CPT2: variants seen among roughly 807,000 people sequenced by gnomAD.
CPT2 encodes the protein carnitine palmitoyltransferase 2, also known as carnitine O-palmitoyltransferase 2, mitochondrial.
In CPT2, 37 loss-of-function variants were observed where a neutral mutation model predicts 48.6. The observed-to-expected ratio is 0.76, with a 90% CI of 0.59 to 1.00. The LOEUF is 1.00. CPT2 is among the 50% of genes least tolerant of loss of function. The probability of loss-of-function intolerance (pLI) is 0.00; values close to 1 mark genes in which losing one functional copy is unlikely to be tolerated. For synonymous variants in CPT2, 319 were observed against 326.9 expected (o/e 0.98, Z 0.26); for missense variants, 772 against 825.6 (o/e 0.94, Z 0.80).
At chr1:53,211,545 CTT>C (rs1645428335) in intron 4 of CPT2, 1 of 564,596 alleles carries the variant, frequency 1.8e-6, no homozygotes, top group East Asian at 2.8e-5. Context: ...ATGCATGTGT[CTT>C]TGTCCTCATT....
chr1:53,199,592 C>G (rs1645343299), intron 1 of CPT2, among the ~76,000 whole-genome samples: 2 of 152,106 alleles, frequency 1.3e-5, no homozygotes, highest in African/African-American at 4.8e-5. Flanking sequence ...CATGAATATT[C>G]CTACTGTAAT....
At chr1:53,202,894 C>G (rs968902655) in intron 3 of CPT2, 7 of 172,926 alleles carry the variant, frequency 4.0e-5, no homozygotes, top group Non-Finnish European at 7.6e-5. Flanking sequence ...TTTTGCCTGG[C>G]AAATTCTTCT....
At chr1:53,211,831 T>C (rs2100275762) in intron 4 of CPT2, among the ~76,000 whole-genome samples, 1 of 152,124 alleles carries the variant, frequency 6.6e-6, no homozygotes, top group South Asian at 2.1e-4. Flanking sequence ...ACTCCTGACC[T>C]CAGGTGATCC....
chr1:53,211,586 ATTC>A (rs1645428574), intron 4 of CPT2: 2 of 481,888 alleles, frequency 4.2e-6, no homozygotes, highest in Non-Finnish European at 3.6e-6. Flanking sequence ...TGACGCATTA[ATTC>A]TTTTTTCTTT....
chr1:53,211,868 G>A (rs1262306178), intron 4 of CPT2, among the ~76,000 whole-genome samples: 2 of 151,642 alleles, frequency 1.3e-5, no homozygotes, highest in Non-Finnish European at 2.9e-5. Flanking sequence ...CAAAGTTCTA[G>A]GAATACAGGC....
At chr1:53,202,744 C>G (rs1645362048) in intron 3 of CPT2, 1 of 382,842 alleles carries the variant, frequency 2.6e-6, no homozygotes, top group Admixed American at 3.7e-5. Flanking sequence ...GGGTCCTTCA[C>G]TGTCAGACAG....
At chr1:53,201,126 G>A (rs753905230) in intron 2 of CPT2, 1 of 396,002 alleles carries the variant, frequency 2.5e-6, no homozygotes, top group Non-Finnish European at 4.8e-6. Context: ...GAGGTCCATT[G>A]AGGAGACCAT....
At chr1:53,203,995 A>C (rs1645370663) in intron 3 of CPT2, 1 of 151,918 alleles carries the variant, frequency 6.6e-6, no homozygotes, top group Non-Finnish European at 1.5e-5. Flanking sequence ...CTGAGACTTA[A>C]TCTTTTGACT....
rs1432626641 is a variant in CPT2 at position 53,202,423 on chromosome 1, A to G, written c.334A>G (p.Ile112Val). The change falls in exon 3 of 5, where the codon ATT (isoleucine) becomes GTT (valine). Residue 112 changes from isoleucine (I) to valine (V), a missense_variant. Transcript: ENST00000371486. ...CAAACAGAATAAACATACAAGCTAC[A>G]TTTCGGGTAGGTAGGCTGGGCTGTG... ...LDKQNKHTSYISGPWFDMYLS... is the reference protein window; with the variant it reads ...LDKQNKHTSYVSGPWFDMYLS... The G allele has an allele frequency of 1.2e-6, 2 of 1,613,282 alleles. No individual in the cohort carries two copies. Among genetic ancestry groups the G allele is most frequent in the Admixed American group, 3.3e-5 (2 of 60,016 alleles).
intron 1 of CPT2, chr1:53,200,407 T>C (rs1645347056): frequency 3.0e-6 from 1 of 329,954 alleles, no homozygotes; most frequent in South Asian, 2.9e-5. Flanking sequence ...TTAGCACAGG[T>C]GTTATCATTG....
chr1:53,203,781 C>CT (rs1553169188), intron 3 of CPT2: 22,976 of 73,522 alleles, frequency 0.31, 2,133 homozygotes, highest in Middle Eastern at 0.36. Flanking sequence ...TTTTCTTTTT[C>CT]TTTTTTTTTT....
At position 53,197,046 on chromosome 1, in the gene CPT2, C is replaced by A; in HGVS notation, c.103C>A (p.Leu35Met). The A allele has an allele frequency of 1.3e-6, 2 of 1,539,040 alleles. No individual in the cohort carries two copies. The highest frequency in any genetic ancestry group is 1.7e-6 in the Non-Finnish European group (2 of 1,146,388). ...CGCCGGCTCCGGGCCCGGCCAGTACCTGCAGCGCAGCATCGTGCCCACCAT... is the reference window on the plus strand; with the variant it reads ...CGCCGGCTCCGGGCCCGGCCAGTACATGCAGCGCAGCATCGTGCCCACCAT... Reference protein sequence around the residue: ...LSAGSGPGQYLQRSIVPTMHY... With the variant: ...LSAGSGPGQYMQRSIVPTMHY... Residue 35 changes from leucine (L) to methionine (M), a missense_variant, in exon 1 of 5, where the codon CTG becomes ATG. By Grantham distance (15) the Leu-to-Met change is conservative (BLOSUM62 2). Coordinates refer to ENST00000371486, the MANE Select transcript of CPT2 (RefSeq NM_000098.3).
chr1:53,209,846 C>T (rs1270717409), intron 3 of CPT2, 169 bp from the exon 4 acceptor site: 5 of 638,286 alleles, frequency 7.8e-6, no homozygotes, highest in African/African-American at 5.5e-5. Flanking sequence ...ATTGTATGAC[C>T]CCATTTGTAT....
chr1:53,213,419 G>A lies in CPT2; in HGVS notation c.1801G>A (p.Gly601Ser). Reference sequence around the variant, plus strand: ...GAGCAGCCCAGCAGTGAACCTTGGGGGCTTTGCCCCTGTGGTCTCTGATGG... The same window carrying A: ...GAGCAGCCCAGCAGTGAACCTTGGGAGCTTTGCCCCTGTGGTCTCTGATGG... ...TLSSPAVNLG[G>S]FAPVVSDGFG... is the part of the protein sequence containing the mutation. The change falls in exon 5 of 5, where the codon GGC becomes AGC. Residue 601 changes from glycine to serine, a missense_variant. Gly to Ser is a moderately conservative substitution (Grantham distance 56). Coordinates refer to ENST00000371486, the MANE Select transcript of CPT2 (RefSeq NM_000098.3). 1.2e-6 allele frequency: 2 copies of A among 1,614,232 alleles called. No homozygotes were observed. The highest frequency in any genetic ancestry group is 1.7e-6 in the Non-Finnish European group (2 of 1,180,042).
In CPT2 at chr1:53,196,949, GC is replaced by G; in HGVS notation, c.10del (p.Arg4AlafsTer69). 2 of 1,543,156 alleles carry G rather than the reference GC, an allele frequency of 1.3e-6. No homozygotes were observed. The highest frequency in any genetic ancestry group is 1.7e-6 in the Non-Finnish European group (2 of 1,153,438). Reference sequence around the variant, plus strand: ...CGCCGCAGGCTCCCGGGACGATGGTGCCCCGCCTGCTGCTGCGCGCCTGGCC... The same window carrying G: ...CGCCGCAGGCTCCCGGGACGATGGTGCCCGCCTGCTGCTGCGCGCCTGGCC... MVPRLLLRAWPRG... is the reference protein window; with the variant it reads MVXRLLLRAWPRG... On this transcript the variant is annotated frameshift_variant, in exon 1 of 5. Transcript: ENST00000371486. LOFTEE classifies it high-confidence loss of function.
At chr1:53,206,548 C>A (rs183575660) in intron 3 of CPT2, among the ~76,000 whole-genome samples, 1 of 152,242 alleles carries the variant, frequency 6.6e-6, no homozygotes, top group Non-Finnish European at 1.5e-5. Context: ...GAGCCCACTT[C>A]TTACATCAGC....
intron 3 of CPT2, among the ~76,000 whole-genome samples, chr1:53,205,119 G>C (rs1046293535): frequency 6.6e-6 from 1 of 152,206 alleles, no homozygotes; most frequent in African/African-American, 2.4e-5. Context: ...GAAGAAGACA[G>C]GAAGATGTCA....
chr1:53,206,040 C>T (rs114649545), intron 3 of CPT2, among the ~76,000 whole-genome samples: 1,866 of 152,076 alleles, frequency 0.012, 19 homozygotes, highest in Non-Finnish European at 0.019. Context: ...AAAAATTAGC[C>T]GGGTGTGGTG....
At chr1:53,201,937 C>T in intron 2 of CPT2, 1 of 251,788 alleles carries the variant, frequency 4.0e-6, no homozygotes, top group Non-Finnish European at 7.8e-6. Flanking sequence ...TATTATTATC[C>T]ATTTTACACA....
Sources: allele counts gnomAD v4.1 joint callset (sites outside exome capture counted in the v4.1 genomes callset), GRCh38; gene constraint gnomAD v4.1.1; transcripts MANE v1.5; gene names NCBI Gene and HGNC (gene_info 2026-07-23, HGNC 2026-07-21).